The following CACNA2D3 variants were observed in gnomAD, a reference collection of about 807,000 sequenced individuals.
CACNA2D3 encodes calcium voltage-gated channel auxiliary subunit alpha2delta 3, also known as voltage-dependent calcium channel subunit alpha-2/delta-3.
In CACNA2D3, 60 loss-of-function variants were observed where a neutral mutation model predicts 160.6. The ratio of observed to expected loss-of-function variants is 0.37; its 90% CI spans 0.30 to 0.46. The LOEUF is 0.46. Among genes scored for constraint, CACNA2D3 ranks in the 20% least tolerant of loss-of-function variants. The pLI is 1.00. For synonymous variants in CACNA2D3, 558 were observed against 492.9 expected, an observed-to-expected ratio of 1.13 and a Z score of -1.75; for missense variants, 1,205 against 1,365.0, an observed-to-expected ratio of 0.88 and a Z score of 1.85.
chr3:54,325,181 G>A (rs1704096546), intron 3 of CACNA2D3, among the ~76,000 whole-genome samples: 1 of 152,140 alleles, frequency 6.6e-6, no homozygotes, highest in Admixed American at 6.5e-5. Flanking sequence ...AGCCAAATGT[G>A]CAGTGGGAAG....
At chr3:54,986,330 C>T (rs922856344) in intron 30 of CACNA2D3, among the ~76,000 whole-genome samples, 2 of 152,172 alleles carry the variant, frequency 1.3e-5, no homozygotes, top group Admixed American at 6.5e-5. Flanking sequence ...CCAGCCTGCT[C>T]AGCCTGGGCT....
chr3:55,008,637 A>G (rs910788036), intron 33 of CACNA2D3, among the ~76,000 whole-genome samples: 3 of 152,128 alleles, frequency 2.0e-5, no homozygotes, highest in African/African-American at 7.2e-5. Flanking sequence ...TGGGAAGTAA[A>G]TTCTCCATAT....
At chr3:54,571,720 A>G (rs1702501635) in intron 8 of CACNA2D3, among the ~76,000 whole-genome samples, 1 of 151,388 alleles carries the variant, frequency 6.6e-6, no homozygotes, top group African/African-American at 2.4e-5. Flanking sequence ...GAGGTGGAGT[A>G]GTTGCTATGG....
chr3:54,357,958 A>G (rs543338527), intron 3 of CACNA2D3, among the ~76,000 whole-genome samples: 1 of 152,390 alleles, frequency 6.6e-6, no homozygotes, highest in South Asian at 2.1e-4. Flanking sequence ...TTTTAGGGCA[A>G]TGAAACTGCT....
At chr3:54,252,229 A>G (rs1340318733) in intron 2 of CACNA2D3, among the ~76,000 whole-genome samples, 1 of 151,582 alleles carries the variant, frequency 6.6e-6, no homozygotes, top group African/African-American at 2.4e-5. Flanking sequence ...TTAGATTGTC[A>G]GAAGTCTAGT....
At chr3:54,948,139 T>C (rs1701662162) in intron 27 of CACNA2D3, among the ~76,000 whole-genome samples, 2 of 152,180 alleles carry the variant, frequency 1.3e-5, no homozygotes, top group African/African-American at 4.8e-5. Context: ...TACAATGACA[T>C]TCTATTTCTA....
intron 3 of CACNA2D3, among the ~76,000 whole-genome samples, chr3:54,375,979 C>T (rs1018485017): frequency 1.3e-5 from 2 of 152,194 alleles, no homozygotes; most frequent in Non-Finnish European, 2.9e-5. Context: ...CAAGTGGTCT[C>T]TCTGCCTCAG....
intron 5 of CACNA2D3, among the ~76,000 whole-genome samples, chr3:54,515,147 T>A (rs1244296485): frequency 1.3e-5 from 2 of 149,640 alleles, no homozygotes; most frequent in Non-Finnish European, 2.9e-5. Context: ...CAGAAGAAAA[T>A]GCATAGTAAA....
chr3:54,798,612 T>C (rs1702919497), intron 13 of CACNA2D3, among the ~76,000 whole-genome samples: 1 of 152,160 alleles, frequency 6.6e-6, no homozygotes, highest in South Asian at 2.1e-4. Context: ...ATAATGTGAA[T>C]TAGCTCCCAC....
chr3:55,020,963 G>T (rs1023642916), intron 35 of CACNA2D3, among the ~76,000 whole-genome samples: 1 of 151,626 alleles, frequency 6.6e-6, no homozygotes. Flanking sequence ...TTTCTTCCTT[G>T]CACTGTCATT....
intron 17 of CACNA2D3, among the ~76,000 whole-genome samples, chr3:54,853,514 C>T (rs76318273): frequency 0.02 from 2,980 of 152,252 alleles, 119 homozygotes; most frequent in African/African-American, 0.067. Context: ...TCATCCCTCC[C>T]TATCCCCTCC....
chr3:54,375,418 A>T (rs768482693), intron 3 of CACNA2D3, among the ~76,000 whole-genome samples: 11 of 152,274 alleles, frequency 7.2e-5, no homozygotes, highest in African/African-American at 9.6e-5. Flanking sequence ...TGCTTTGAGC[A>T]CAAAGTGCTC....
intron 4 of CACNA2D3, among the ~76,000 whole-genome samples, chr3:54,449,848 T>C (rs1188410941): frequency 6.6e-6 from 1 of 152,212 alleles, no homozygotes; most frequent in Non-Finnish European, 1.5e-5. Flanking sequence ...ACCTCTTTTC[T>C]TATAACTTAC....
At chr3:54,292,795 T>C (rs1221635003) in intron 2 of CACNA2D3, among the ~76,000 whole-genome samples, 1 of 152,178 alleles carries the variant, frequency 6.6e-6, no homozygotes, top group East Asian at 1.9e-4. Flanking sequence ...AATATAGAGT[T>C]ACCATCTGAC....
At chr3:54,487,916 A>C (rs1463833801) in intron 4 of CACNA2D3, among the ~76,000 whole-genome samples, 1 of 152,224 alleles carries the variant, frequency 6.6e-6, no homozygotes, top group South Asian at 2.1e-4. Context: ...GCCCATCATC[A>C]TACAAAGTGC....
chr3:54,297,281 A>T (rs1486642638), intron 2 of CACNA2D3, among the ~76,000 whole-genome samples: 1 of 152,106 alleles, frequency 6.6e-6, no homozygotes, highest in African/African-American at 2.4e-5. Context: ...TTTTTACGTG[A>T]AGGGCTTGGG....
At chr3:54,429,259 C>T (rs569223726) in intron 4 of CACNA2D3, among the ~76,000 whole-genome samples, 23 of 142,014 alleles carry the variant, frequency 1.6e-4, no homozygotes, top group African/African-American at 5.6e-4. Flanking sequence ...GCAAGATTAG[C>T]TTTAATCAAC....
At chr3:54,718,946 T>C (rs1701115671) in intron 11 of CACNA2D3, among the ~76,000 whole-genome samples, 1 of 151,926 alleles carries the variant, frequency 6.6e-6, no homozygotes, top group Non-Finnish European at 1.5e-5. Flanking sequence ...AGTTTTTTAA[T>C]TTTTTATTTT....
intron 35 of CACNA2D3, among the ~76,000 whole-genome samples, chr3:55,060,099 G>T (rs1704469982): frequency 6.6e-6 from 1 of 152,032 alleles, no homozygotes; most frequent in Non-Finnish European, 1.5e-5. Context: ...CTTTGTCAGG[G>T]ACCTGCTGTC....
Sources: allele counts gnomAD v4.1 joint callset (sites outside exome capture counted in the v4.1 genomes callset), GRCh38; gene constraint gnomAD v4.1.1; transcripts MANE v1.5; gene names NCBI Gene and HGNC (gene_info 2026-07-23, HGNC 2026-07-21).